The following DOC2A variants were observed in gnomAD, a reference collection of about 807,000 sequenced individuals.
The protein encoded by DOC2A is double C2-like domain-containing protein alpha.
Under a neutral mutation model 40.6 loss-of-function variants are expected in DOC2A, and 28 were observed. The ratio of observed to expected loss-of-function variants is 0.69; its 90% CI spans 0.51 to 0.95. DOC2A has a LOEUF of 0.95. Ranked by LOEUF, DOC2A falls within the 40% of genes least tolerant of loss-of-function variation. The pLI is 0.00. For synonymous variants in DOC2A, 241 were observed against 236.9 expected, an observed-to-expected ratio of 1.02 and a Z score of -0.16; for missense variants, 474 against 552.5, an observed-to-expected ratio of 0.86 and a Z score of 1.42.
At chr16:30,016,410 A>G (rs1296717838), upstream of DOC2A, among the ~76,000 whole-genome samples, 1 of 152,146 alleles carries the variant, frequency 6.6e-6, no homozygotes, top group Non-Finnish European at 1.5e-5. Flanking sequence ...ATAAGAAAGG[A>G]AGCAGGACGA....
At position 30,009,202 on chromosome 16, in the gene DOC2A, C is replaced by CT; in HGVS notation, c.416dup (p.Ala140GlyfsTer3). The CT allele has an allele frequency of 6.3e-7, 1 of 1,597,154 alleles. No individual in the cohort carries two copies. The highest frequency in any genetic ancestry group is 8.5e-7 in the Non-Finnish European group (1 of 1,170,900). On this transcript the variant is annotated frameshift_variant and splice_region_variant, in exon 4 of 11. Coordinates refer to ENST00000350119, the MANE Select transcript of DOC2A (RefSeq NM_003586.3). LOFTEE classifies it high-confidence loss of function. This position sits in a 1 kb window ranked among gnomAD's most constrained non-coding sequence, Gnocchi z 4.1. ...GGGCGGGGCGAGAGGAGGCTGTTAC[C>CT]TTACAGGCTCCAGGCAGCAAGTGCA... is the stretch of plus-strand genomic sequence containing the variant.
chr16:30,006,680 G>A lies in DOC2A; in HGVS notation c.879-3C>T. On this transcript the variant is annotated splice_region_variant and splice_polypyrimidine_tract_variant and intron_variant, in intron 8 of 10. Coordinates refer to ENST00000350119, the MANE Select transcript of DOC2A (RefSeq NM_003586.3). The surrounding 1 kb of genome is among the most constrained non-coding windows in gnomAD (Gnocchi z 6.2). ...TGTCCACATCGGGCCTCAGGTACCT[G>A]GGGGTGGGGTGGAGGGAGACGAACT... The A allele has an allele frequency of 6.2e-7, 1 of 1,613,748 alleles. No individual in the cohort carries two copies. The highest frequency in any genetic ancestry group is 8.5e-7 in the Non-Finnish European group (1 of 1,179,956).
In DOC2A at chr16:30,006,564, C is replaced by T. The variant is rs1259459464; in HGVS notation, c.960+32G>A. ...AGCCAGCTCCCCAGCCCCTCCCTGGCCTCCCTCCATGTCCCGTCCCCTCCT... is the reference window on the plus strand; with the variant it reads ...AGCCAGCTCCCCAGCCCCTCCCTGGTCTCCCTCCATGTCCCGTCCCCTCCT... On this transcript the variant is annotated intron_variant, in intron 9 of 10. Coordinates refer to ENST00000350119, the MANE Select transcript of DOC2A (RefSeq NM_003586.3). This position sits in a 1 kb window ranked among gnomAD's most constrained non-coding sequence, Gnocchi z 6.2. The T allele has an allele frequency of 2.5e-6, 4 of 1,613,608 alleles. No homozygotes were observed. Among genetic ancestry groups the T allele is most frequent in the South Asian group, 1.1e-5 (1 of 91,056 alleles).
rs769544918 is a variant in DOC2A at position 30,006,844 on chromosome 16, C to T, written c.819G>A (p.Leu273=). 6 of 1,613,774 alleles carry T rather than the reference C, an allele frequency of 3.7e-6. 1 individual carries two copies. In the East Asian group the frequency reaches 1.3e-4, roughly 36 times the overall value. Residue 273 remains leucine, a synonymous_variant, in exon 8 of 11, where the codon TTG becomes TTA. Coordinates refer to ENST00000350119, the MANE Select transcript of DOC2A (RefSeq NM_003586.3). The surrounding 1 kb of genome is among the most constrained non-coding windows in gnomAD (Gnocchi z 6.2). ...CCATGGCAGCCAGATGGGCGCAGCG[C>T]AAGATGCCTACCAGCAGTCCCCGGC... ...SRRRGLLVGI[L]RCAHLAAMDV...
rs1283875744 is a variant in DOC2A, at chr16:30,010,831, C to A, written c.-14+72G>T. 23 of 973,458 alleles carry A rather than the reference C, an allele frequency of 2.4e-5. No individual in the cohort carries two copies. Among genetic ancestry groups the A allele is most frequent in the Non-Finnish European group, 2.8e-5 (23 of 812,806 alleles). The allele number at this position is 973,458 out of a possible 1,614,324, so 60.3% of individuals were successfully genotyped here. A position where few individuals can be genotyped will look rare whatever the true frequency, so the allele number is the denominator to read the frequency against. ...GCAGCCGCAGGAGAGCCGAACACCC[C>A]CGTAGCGCACACAGGCTGGCACGCT... On this transcript the variant is annotated intron_variant, in intron 1 of 10. Transcript: ENST00000350119. The surrounding 1 kb of genome is among the most constrained non-coding windows in gnomAD (Gnocchi z 4.2).
Position 30,005,749 on chromosome 16 carries a change from G to A in DOC2A, c.*437C>T, listed in dbSNP as rs2070559275. On this transcript the variant is annotated 3_prime_UTR_variant, in exon 11 of 11. Transcript: ENST00000350119. ...TTAAAAGGGCAGCTGTACAGGGCTAGGTTTTTTCAATGAAGTTTCTGTATT... is the reference window on the plus strand; with the variant it reads ...TTAAAAGGGCAGCTGTACAGGGCTAAGTTTTTTCAATGAAGTTTCTGTATT... The A allele has an allele frequency of 2.0e-6, 1 of 492,114 alleles. No homozygotes were observed. The highest frequency in any genetic ancestry group is 3.6e-6 in the Non-Finnish European group (1 of 278,740). 30.5% of individuals were successfully genotyped at this position (492,114 alleles called of 1,614,324 possible). A position where few individuals can be genotyped will look rare whatever the true frequency, so the allele number is the denominator to read the frequency against.
chr16:30,021,986 C>T (rs998141457), upstream of DOC2A, among the ~76,000 whole-genome samples: 5 of 151,464 alleles, frequency 3.3e-5, no homozygotes, highest in African/African-American at 7.3e-5. Flanking sequence ...TGGTGGCTCA[C>T]GCCTGTAATC....
chr16:30,009,198 T>C lies in DOC2A; in HGVS notation c.417+4A>G. 3 of 1,600,144 alleles carry C rather than the reference T, an allele frequency of 1.9e-6. No homozygotes were observed. Among genetic ancestry groups the C allele is most frequent in the Non-Finnish European group, 2.6e-6 (3 of 1,172,528 alleles). The stretch of plus-strand genomic sequence containing the variant: ...GGCCGGGCGGGGCGAGAGGAGGCTG[T>C]TACCTTACAGGCTCCAGGCAGCAAG... On this transcript the variant is annotated splice_donor_region_variant and intron_variant, in intron 4 of 10. Transcript: ENST00000350119. This position sits in a 1 kb window ranked among gnomAD's most constrained non-coding sequence, Gnocchi z 4.1.
At chr16:30,019,010 G>A (rs944838784) in intron 1 of DOC2A, 6 of 152,296 alleles carry the variant, frequency 3.9e-5, no homozygotes, top group Non-Finnish European at 8.8e-5. Flanking sequence ...TGGGGACTAA[G>A]CCAGATTAGA....
chr16:30,009,896 C>G lies in DOC2A; in HGVS notation c.262+65G>C, dbSNP rs1377272593. On this transcript the variant is annotated intron_variant, in intron 2 of 10. Transcript: ENST00000350119. This position sits in a 1 kb window ranked among gnomAD's most constrained non-coding sequence, Gnocchi z 4.1. ...CAGCCAGCAGGGCCCATCCCCCTCTCCCCCCACCACGGCAAGCCTGGAGAC... is the reference window on the plus strand; with the variant it reads ...CAGCCAGCAGGGCCCATCCCCCTCTGCCCCCACCACGGCAAGCCTGGAGAC... The G allele has an allele frequency of 4.4e-6, 7 of 1,593,794 alleles. No homozygotes were observed. The highest frequency in any genetic ancestry group is 1.7e-5 in the Admixed American group (1 of 59,874).
intron 5 of DOC2A, chr16:30,007,538 T>A: frequency 1.7e-6 from 1 of 572,382 alleles, no homozygotes; most frequent in Non-Finnish European, 3.1e-6. Flanking sequence ...TCAGAAATCT[T>A]GGAGCACGCT....
At chr16:30,012,700 A>G (rs2070804254), upstream of DOC2A, 1 of 142,028 alleles carries the variant, frequency 7.0e-6, no homozygotes, top group East Asian at 2.1e-4. Context: ...AAAAAAAAAA[A>G]GTAAGAGAAA....
At chr16:30,011,451 C>T (rs1414624586), upstream of DOC2A, 11 of 982,722 alleles carry the variant, frequency 1.1e-5, no homozygotes, top group Non-Finnish European at 1.3e-5. Flanking sequence ...CCCCCGCCCC[C>T]GCCCGCGCGC....
chr16:30,005,902 A>C lies in DOC2A; in HGVS notation c.*284T>G. 1 of 516,466 alleles carries C rather than the reference A, an allele frequency of 1.9e-6. No individual in the cohort carries two copies. Among genetic ancestry groups the C allele is most frequent in the Non-Finnish European group, 3.4e-6 (1 of 290,106 alleles). 32.0% of individuals were successfully genotyped at this position (516,466 alleles called of 1,614,324 possible). A position where few individuals can be genotyped will look rare whatever the true frequency, so the allele number is the denominator to read the frequency against. The stretch of plus-strand genomic sequence containing the variant: ...GGGGCAGCGTGGAGAGGCAGGAGTG[A>C]GGAGCGCGGGGGCCTGGGGCCGGGC... On this transcript the variant is annotated 3_prime_UTR_variant, in exon 11 of 11. Transcript: ENST00000350119.
chr16:30,023,182 G>C, upstream of DOC2A: 1 of 591,020 alleles, frequency 1.7e-6, no homozygotes, highest in Non-Finnish European at 3.0e-6. Flanking sequence ...TCCAGGGGGT[G>C]AAGACTGGTC....
chr16:30,006,738 G>T lies in DOC2A; in HGVS notation c.878+47C>A, dbSNP rs1438808652. On this transcript the variant is annotated intron_variant, in intron 8 of 10. Transcript: ENST00000350119. This position sits in a 1 kb window ranked among gnomAD's most constrained non-coding sequence, Gnocchi z 6.2. The stretch of plus-strand genomic sequence containing the variant: ...GAGGGACAGGCCAGGCCCAACTCAG[G>T]CCAGGGCAGGCTCCCTGGGGAGGAG... 1 of 1,613,602 alleles carries T rather than the reference G, an allele frequency of 6.2e-7. No individual in the cohort carries two copies. The highest frequency in any genetic ancestry group is 2.2e-5 in the East Asian group (1 of 44,838).
At chr16:30,013,264 CTTTTCT>C (rs1213565391), upstream of DOC2A, among the ~76,000 whole-genome samples, 1 of 124,306 alleles carries the variant, frequency 8.0e-6, no homozygotes, top group Non-Finnish European at 1.7e-5. Flanking sequence ...CTTTTTTTTT[CTTTTCT>C]TTTTTTTTTT....
At chr16:30,019,366 A>G (rs2070889320) in intron 1 of DOC2A, among the ~76,000 whole-genome samples, 1 of 152,102 alleles carries the variant, frequency 6.6e-6, no homozygotes, top group Admixed American at 6.6e-5. Flanking sequence ...GAGTGGAGAC[A>G]GCAGGTGTAG....
upstream of DOC2A, chr16:30,012,397 C>T (rs1233131118): frequency 6.6e-6 from 1 of 152,166 alleles, no homozygotes; most frequent in Non-Finnish European, 1.5e-5. Context: ...ATGTCCCAAA[C>T]TGGGCCTGGC....
Sources: gnomAD v4.1 joint callset for allele counts (sites outside exome capture counted in the v4.1 genomes callset) on GRCh38, gnomAD v4.1.1 for gene constraint, Gnocchi (gnomAD v3.1) non-coding constraint, MANE v1.5 for transcripts, NCBI Gene and HGNC (gene_info 2026-07-23, HGNC 2026-07-21) for gene names.